The following RPS3 variants were observed in gnomAD, a reference collection of about 807,000 sequenced individuals.
The protein encoded by RPS3 is small ribosomal subunit protein uS3.
A neutral mutation model predicts 25.8 loss-of-function variants in RPS3; 2 were observed. The ratio of observed to expected loss-of-function variants is 0.08; its 90% CI spans 0.03 to 0.24. RPS3 has a LOEUF of 0.24. Among genes scored for constraint, RPS3 ranks in the 10% least tolerant of loss-of-function variants. The probability of loss-of-function intolerance (pLI) is 1.00; values close to 1 mark genes in which losing one functional copy is unlikely to be tolerated. For synonymous variants in RPS3, 114 were observed against 114.2 expected (o/e 1.00, Z 0.01); for missense variants, 107 against 307.1 (o/e 0.35, Z 4.87).
At chr11:75,418,089 G>A (rs1031030512) in intron 6 of RPS3, among the ~76,000 whole-genome samples, 1 of 152,230 alleles carries the variant, frequency 6.6e-6, no homozygotes, top group African/African-American at 2.4e-5. Context: ...CTCACAGCCT[G>A]GTTTTCCACA....
chr11:75,414,394 G>A (rs561941151), intron 6 of RPS3, among the ~76,000 whole-genome samples: 50 of 152,268 alleles, frequency 3.3e-4, no homozygotes, highest in African/African-American at 1.1e-3. Flanking sequence ...GGCGGATCAC[G>A]AGGTCAGGAG....
chr11:75,411,573 G>A (rs1417232500), downstream of RPS3, among the ~76,000 whole-genome samples: 1 of 151,316 alleles, frequency 6.6e-6, no homozygotes, highest in Non-Finnish European at 1.5e-5. Flanking sequence ...TGTATTTTTA[G>A]TAGAGACGGG....
chr11:75,407,557 C>T (rs1160711918), downstream of RPS3, among the ~76,000 whole-genome samples: 3 of 152,208 alleles, frequency 2.0e-5, no homozygotes, highest in Admixed American at 6.5e-5. Context: ...CTGCAAGCCC[C>T]GCCTCCCTGG....
At chr11:75,400,870 T>C in intron 2 of RPS3, 46 bp downstream of exon 2, 5 of 1,580,674 alleles carry the variant, frequency 3.2e-6, no homozygotes, top group Non-Finnish European at 4.3e-6. Context: ...TTATAAATGC[T>C]AAGTTGGTTT....
chr11:75,400,563 G>A (rs768847359), intron 1 of RPS3, 131 bp from the exon 2 acceptor site: 6 of 1,325,642 alleles, frequency 4.5e-6, no homozygotes, highest in Non-Finnish European at 6.4e-6. Context: ...GTTGGAACAA[G>A]GGTTTGGAAC....
chr11:75,400,075 G>A (rs1277354696), intron 1 of RPS3, among the ~76,000 whole-genome samples: 1 of 152,162 alleles, frequency 6.6e-6, no homozygotes, highest in African/African-American at 2.4e-5. Flanking sequence ...GTCATTACAT[G>A]GGATAGAACT....
At chr11:75,415,364 G>A (rs1024384747) in intron 6 of RPS3, among the ~76,000 whole-genome samples, 2 of 152,184 alleles carry the variant, frequency 1.3e-5, no homozygotes, top group African/African-American at 4.8e-5. Flanking sequence ...TATTCCCTCT[G>A]TTTGGAGACA....
At chr11:75,410,212 GA>G (rs1379918370), downstream of RPS3, among the ~76,000 whole-genome samples, 1 of 151,864 alleles carries the variant, frequency 6.6e-6, no homozygotes, top group Non-Finnish European at 1.5e-5. Flanking sequence ...GCCGGGCGGA[GA>G]CGCTCCTCAC....
In RPS3 at chr11:75,404,229, G is replaced by C; in HGVS notation, c.538+22G>C. 1 of 1,604,176 alleles carries C rather than the reference G, an allele frequency of 6.2e-7. No individual in the cohort carries two copies. Among genetic ancestry groups the C allele is most frequent in the Non-Finnish European group, 8.5e-7 (1 of 1,172,828 alleles). On this transcript the variant is annotated intron_variant, in intron 5 of 6. Coordinates refer to ENST00000531188, the MANE Select transcript of RPS3 (RefSeq NM_001005.5). The surrounding 1 kb of genome is among the most constrained non-coding windows in gnomAD (Gnocchi z 4.6). ...CAGGGTGAGCAGCTGAGAGTGCTTG[G>C]CAAAGGGCATTTGTGGACAGATTTG...
chr11:75,406,258 A>G lies in RPS3; in HGVS notation c.*648A>G, dbSNP rs141510920. 1.3e-5 allele frequency: 2 copies of G among 152,362 alleles called. No homozygotes were observed. Among genetic ancestry groups the G allele is most frequent in the African/African-American group, 4.8e-5 (2 of 41,588 alleles). 9.4% of individuals were successfully genotyped at this position (152,362 alleles called of 1,614,324 possible). A position where few individuals can be genotyped will look rare whatever the true frequency, so the allele number is the denominator to read the frequency against. ...ATTTAAATTGTCTCTGATTTTATCT[A>G]TCAATGTTTTGAAGTATTTTCTACC... On this transcript the variant is annotated 3_prime_UTR_variant, in exon 7 of 7. Transcript: ENST00000531188.
intron 6 of RPS3, among the ~76,000 whole-genome samples, chr11:75,421,518 T>C (rs745469914): frequency 6.6e-6 from 1 of 152,210 alleles, no homozygotes; most frequent in Non-Finnish European, 1.5e-5. Context: ...AGCAGTTTGT[T>C]GCTGCCCCTA....
Position 75,399,529 on chromosome 11 carries a change from A to G in RPS3, c.-19A>G. 6.2e-7 allele frequency: 1 copy of G among 1,613,732 alleles called. No individual in the cohort carries two copies. The highest frequency in any genetic ancestry group is 8.5e-7 in the Non-Finnish European group (1 of 1,179,862). ...CCCGCGAGCCACTTCCTTTCCTTTC[A>G]GCGGAGCGCGGCGGCAAGATGGCAG... is the stretch of plus-strand genomic sequence containing the variant. On this transcript the variant is annotated 5_prime_UTR_variant, in exon 1 of 7. Transcript: ENST00000531188.
intron 1 of RPS3, 68 bp downstream of exon 1, chr11:75,399,645 A>AT: frequency 7.1e-7 from 1 of 1,409,808 alleles, no homozygotes; most frequent in Non-Finnish European, 1.0e-6. Flanking sequence ...TCGGGGTGCC[A>AT]CCGCGAGGCC....
chr11:75,411,277 G>T (rs111477592), downstream of RPS3, among the ~76,000 whole-genome samples: 8,362 of 152,272 alleles, frequency 0.055, 288 homozygotes, highest in Middle Eastern at 0.088. Flanking sequence ...CTCCCAAAGT[G>T]CTGGGAATAC....
intron 6 of RPS3, among the ~76,000 whole-genome samples, chr11:75,418,699 T>C (rs1460602566): frequency 2.0e-5 from 3 of 152,246 alleles, no homozygotes; most frequent in Non-Finnish European, 4.4e-5. Context: ...GAATGACTTA[T>C]GTGATCCCAA....
At chr11:75,413,249 A>G (rs533478615) in intron 6 of RPS3, among the ~76,000 whole-genome samples, 1 of 109,610 alleles carries the variant, frequency 9.1e-6, no homozygotes, top group Non-Finnish European at 2.1e-5. Flanking sequence ...ATATATATAT[A>G]TTTTTTTTTT....
chr11:75,400,640 G>T (rs1948195915), intron 1 of RPS3, 54 bp from the exon 2 acceptor site: 2 of 1,597,932 alleles, frequency 1.3e-6, no homozygotes, highest in Admixed American at 1.7e-5. Context: ...TGGCTCAGGC[G>T]AAAGTGAGCC....
intron 6 of RPS3, among the ~76,000 whole-genome samples, chr11:75,414,459 A>C (rs1948380996): frequency 6.6e-6 from 1 of 152,074 alleles, no homozygotes; most frequent in African/African-American, 2.4e-5. Flanking sequence ...AAAATACAAA[A>C]AATTAGCCAG....
intron 6 of RPS3, among the ~76,000 whole-genome samples, chr11:75,413,331 A>G (rs2135068049): frequency 6.6e-6 from 1 of 152,008 alleles, no homozygotes; most frequent in South Asian, 2.1e-4. Flanking sequence ...ATCTCAGCTC[A>G]CTGCAAGCTC....
Sources: allele counts gnomAD v4.1 joint callset (sites outside exome capture counted in the v4.1 genomes callset), GRCh38; gene constraint gnomAD v4.1.1; non-coding constraint Gnocchi (gnomAD v3.1); transcripts MANE v1.5; gene names NCBI Gene and HGNC (gene_info 2026-07-23, HGNC 2026-07-21).